BRAF: variants seen among roughly 807,000 people sequenced by gnomAD.
BRAF encodes the protein serine/threonine-protein kinase B-raf.
Under a neutral mutation model 104.6 loss-of-function variants are expected in BRAF, and 16 were observed. That is an observed-to-expected ratio of 0.15 (90% CI 0.10 to 0.23). BRAF has a LOEUF of 0.23. BRAF is among the 10% of genes least tolerant of loss of function. BRAF has a pLI of 1.00. For synonymous variants in BRAF, 310 were observed against 341.6 expected, an observed-to-expected ratio of 0.91 and a Z score of 1.02; for missense variants, 541 against 937.3, an observed-to-expected ratio of 0.58 and a Z score of 5.52.
At chr7:140,810,609 C>A (rs1429466827) in intron 3 of BRAF, among the ~76,000 whole-genome samples, 2 of 152,042 alleles carry the variant, frequency 1.3e-5, no homozygotes, top group Non-Finnish European at 2.9e-5. Flanking sequence ...ACCTACCCAG[C>A]AAGGTAAAAG....
chr7:140,714,048 G>A, the BRAF span, among the ~76,000 whole-genome samples: 2 of 152,130 alleles, frequency 1.3e-5, no homozygotes, highest in African/African-American at 2.4e-5. Context: ...TAGGCTACTC[G>A]GGTCAGGGAC....
At chr7:140,734,110 G>C (rs964109573) in intron 19 of BRAF, 2 of 1,037,494 alleles carry the variant, frequency 1.9e-6, no homozygotes, top group South Asian at 4.6e-5. Context: ...AAATTATTAA[G>C]AATAATAATA....
At chr7:140,823,390 T>G (rs1366368685) in intron 3 of BRAF, 9 of 152,230 alleles carry the variant, frequency 5.9e-5, no homozygotes, top group Non-Finnish European at 5.9e-5. Flanking sequence ...ACACTCTAGG[T>G]ACTTCAATAA....
intron 1 of BRAF, among the ~76,000 whole-genome samples, chr7:140,920,006 C>A (rs1362050470): frequency 1.3e-5 from 2 of 152,058 alleles, no homozygotes; most frequent in African/African-American, 4.8e-5. Context: ...CCACGACCAG[C>A]CCTACTGCCA....
chr7:140,780,618 T>C (rs1800776882), intron 12 of BRAF: 1 of 152,228 alleles, frequency 6.6e-6, no homozygotes, highest in Non-Finnish European at 1.5e-5. Context: ...CATACTGCTT[T>C]GAAAAATTTC....
intron 1 of BRAF, among the ~76,000 whole-genome samples, chr7:140,894,834 G>GTTATA (rs1814694759): frequency 6.6e-6 from 1 of 152,128 alleles, no homozygotes; most frequent in East Asian, 1.9e-4. Flanking sequence ...AACAAATGCT[G>GTTATA]TATATAACAT....
intron 17 of BRAF, 48 bp from the exon 17 acceptor site, chr7:140,739,994 G>C (rs1288478771): frequency 6.4e-7 from 1 of 1,573,154 alleles, no homozygotes; most frequent in African/African-American, 1.3e-5. Context: ...TAGATAAGTT[G>C]AAAAATATAC....
intron 1 of BRAF, among the ~76,000 whole-genome samples, chr7:140,914,194 C>T (rs1817327305): frequency 1.3e-5 from 2 of 152,212 alleles, no homozygotes; most frequent in Admixed American, 1.3e-4. Context: ...ACATATTCAT[C>T]ATTTCACTTT....
At chr7:140,803,481 G>C (rs1223961715) in intron 5 of BRAF, among the ~76,000 whole-genome samples, 3 of 152,018 alleles carry the variant, frequency 2.0e-5, no homozygotes, top group Non-Finnish European at 4.4e-5. Flanking sequence ...TATAAAACTA[G>C]TAAGTAATCA....
At chr7:140,809,387 A>G (rs1413863250) in intron 3 of BRAF, among the ~76,000 whole-genome samples, 1 of 152,196 alleles carries the variant, frequency 6.6e-6, no homozygotes, top group East Asian at 1.9e-4. Context: ...TAACCCTTCA[A>G]TCACACTGAC....
intron 1 of BRAF, among the ~76,000 whole-genome samples, chr7:140,866,306 C>A (rs1162703414): frequency 6.6e-6 from 1 of 152,178 alleles, no homozygotes; most frequent in African/African-American, 2.4e-5. Flanking sequence ...AACCTGCTTT[C>A]CCAGGTTACT....
chr7:140,874,269 T>G (rs1811946629), intron 1 of BRAF, among the ~76,000 whole-genome samples: 1 of 149,398 alleles, frequency 6.7e-6, no homozygotes, highest in Non-Finnish European at 1.5e-5. Flanking sequence ...TGGCGCGACC[T>G]CAACTCACTG....
chr7:140,780,811 C>A (rs563473363), intron 12 of BRAF: 2 of 152,254 alleles, frequency 1.3e-5, no homozygotes, highest in South Asian at 2.1e-4. Context: ...TTAATATAAT[C>A]CAATTTAAAA....
At chr7:140,749,656 T>C (rs181651420) in intron 16 of BRAF, among the ~76,000 whole-genome samples, 95 of 152,320 alleles carry the variant, frequency 6.2e-4, no homozygotes, top group African/African-American at 2.2e-3. Flanking sequence ...TTTTATAATT[T>C]AGTAATTATT....
intron 1 of BRAF, among the ~76,000 whole-genome samples, chr7:140,861,441 G>C (rs893954138): frequency 6.6e-6 from 1 of 152,212 alleles, no homozygotes; most frequent in Non-Finnish European, 1.5e-5. Context: ...AGGTTTTCCA[G>C]GAATGCGGAG....
At chr7:140,738,827 G>C (rs113503567) in intron 18 of BRAF, among the ~76,000 whole-genome samples, 2 of 152,064 alleles carry the variant, frequency 1.3e-5, no homozygotes, top group African/African-American at 4.8e-5. Flanking sequence ...TGTTGGCCAG[G>C]CTGGTCTCGA....
In BRAF at chr7:140,809,004, T is replaced by G; in HGVS notation, c.505-9A>C. 6.3e-7 allele frequency: 1 copy of G among 1,598,080 alleles called. No individual in the cohort carries two copies. The highest frequency in any genetic ancestry group is 1.3e-5 in the African/African-American group (1 of 74,672). ...CCACACCTTGCAGGTACCTATGGTA[T>G]CATAAATATATTGATAAGAGGTAAA... On this transcript the variant is annotated splice_polypyrimidine_tract_variant and intron_variant, in intron 3 of 19. Coordinates refer to ENST00000644969, the MANE Select transcript of BRAF (RefSeq NM_001374258.1).
chr7:140,894,997 CTT>C (rs1243708648), intron 1 of BRAF, among the ~76,000 whole-genome samples: 4 of 152,118 alleles, frequency 2.6e-5, no homozygotes, highest in Admixed American at 2.6e-4. Flanking sequence ...CGAATCAGCT[CTT>C]GATACCAAAA....
intron 3 of BRAF, among the ~76,000 whole-genome samples, chr7:140,816,304 T>C (rs768963219): frequency 2.6e-5 from 4 of 152,132 alleles, no homozygotes; most frequent in Non-Finnish European, 4.4e-5. Context: ...CTTTGATCAC[T>C]TGTAGATCTT....
Sources: gnomAD v4.1 joint callset for allele counts (sites outside exome capture counted in the v4.1 genomes callset) on GRCh38, gnomAD v4.1.1 for gene constraint, MANE v1.5 for transcripts, NCBI Gene and HGNC (gene_info 2026-07-23, HGNC 2026-07-21) for gene names.